TIMP3: variants seen among roughly 807,000 people sequenced by gnomAD.
The protein encoded by TIMP3 is metalloproteinase inhibitor 3.
A neutral mutation model predicts 30.0 loss-of-function variants in TIMP3; 11 were observed. That is an observed-to-expected ratio of 0.37 (90% CI 0.23 to 0.61). TIMP3 has a LOEUF of 0.61. Ranked by LOEUF, TIMP3 falls within the 20% of genes least tolerant of loss-of-function variation. TIMP3 has a pLI of 0.70. For missense variants in TIMP3, 181 were observed against 276.8 expected, an observed-to-expected ratio of 0.65 and a Z score of 2.45; for synonymous variants, 112 against 111.3, an observed-to-expected ratio of 1.01 and a Z score of -0.04.
intron 1 of TIMP3, among the ~76,000 whole-genome samples, chr22:32,814,987 G>A (rs1350900891): frequency 6.6e-6 from 1 of 152,092 alleles, no homozygotes; most frequent in Non-Finnish European, 1.5e-5. Flanking sequence ...TTATTAATAA[G>A]ATCTTAATAT....
At chr22:32,847,695 G>A (rs1406559636) in intron 1 of TIMP3, among the ~76,000 whole-genome samples, 1 of 152,230 alleles carries the variant, frequency 6.6e-6, no homozygotes, top group Non-Finnish European at 1.5e-5. Flanking sequence ...AAATGTGTGT[G>A]TGTGTGTTTG....
Position 32,858,117 on chromosome 22 carries a change from T to C in TIMP3, c.417T>C (p.Tyr139=), listed in dbSNP as rs1254646126. The change falls in exon 4 of 5, where the codon TAT becomes TAC. Residue 139 remains tyrosine (Y), a synonymous_variant. Transcript: ENST00000266085. ...AGCGCAAGGGGCTGAACTATCGGTA[T>C]CACCTGGGTTGTAACTGCAAGGTAA... ...LSQRKGLNYR[Y]HLGCNCKIKS... 1 of 1,614,094 alleles carries C rather than the reference T, an allele frequency of 6.2e-7. No homozygotes were observed. The highest frequency in any genetic ancestry group is 2.2e-5 in the East Asian group (1 of 44,880).
In TIMP3 at chr22:32,858,157, G is replaced by T. The variant is rs755534640; in HGVS notation, c.438+19G>T. On this transcript the variant is annotated intron_variant, in intron 4 of 4. Transcript: ENST00000266085. ...CTGCAAGGTAAGCTCTGGGGTCACTGGGGGAAGGAGGGGAGGTGCTGACTT... is the reference window on the plus strand; with the variant it reads ...CTGCAAGGTAAGCTCTGGGGTCACTTGGGGAAGGAGGGGAGGTGCTGACTT... 4 of 1,611,210 alleles carry T rather than the reference G, an allele frequency of 2.5e-6. No homozygotes were observed. The highest frequency in any genetic ancestry group is 3.4e-6 in the Non-Finnish European group (4 of 1,177,654).
intron 1 of TIMP3, among the ~76,000 whole-genome samples, chr22:32,840,702 A>G (rs933654033): frequency 7.2e-5 from 11 of 152,106 alleles, no homozygotes; most frequent in African/African-American, 2.7e-4. Flanking sequence ...AGACGCAGCA[A>G]ACTGAGTCTC....
At chr22:32,841,209 TAA>T (rs1174929371) in intron 1 of TIMP3, among the ~76,000 whole-genome samples, 3 of 152,188 alleles carry the variant, frequency 2.0e-5, no homozygotes, top group African/African-American at 4.8e-5. Flanking sequence ...CAGCAATAGG[TAA>T]AGCAAAGAAC....
Position 32,849,551 on chromosome 22 carries a change from C to T in TIMP3, c.204+17C>T. The T allele has an allele frequency of 2.5e-6, 4 of 1,610,660 alleles. No homozygotes were observed. Among genetic ancestry groups the T allele is most frequent in the Non-Finnish European group, 3.4e-6 (4 of 1,178,182 alleles). On this transcript the variant is annotated intron_variant, in intron 2 of 4. Transcript: ENST00000266085. ...CAGATGAAGGTAGGTAATGTCATCA[C>T]CCTGGCTCCGGGAAGGTTTTTGGGT...
intron 2 of TIMP3, among the ~76,000 whole-genome samples, chr22:32,850,839 G>A (rs1367171615): frequency 6.6e-6 from 1 of 152,236 alleles, no homozygotes; most frequent in African/African-American, 2.4e-5. Context: ...AAGCCGCAAT[G>A]TCCAGGTAGA....
intron 1 of TIMP3, among the ~76,000 whole-genome samples, chr22:32,814,702 C>CA (rs1173569775): frequency 6.6e-6 from 1 of 152,054 alleles, no homozygotes; most frequent in Non-Finnish European, 1.5e-5. Context: ...TATTTTGTTT[C>CA]AAAAAGTTAA....
chr22:32,833,659 G>A (rs2047643262), intron 1 of TIMP3, among the ~76,000 whole-genome samples: 1 of 152,186 alleles, frequency 6.6e-6, no homozygotes, highest in South Asian at 2.1e-4. Flanking sequence ...GAGATGAGAA[G>A]TAGGGGCTCC....
chr22:32,814,328 A>AAAGAAAGAAAGAAAGAAAGGAAGAAAGG (rs1569245387), intron 1 of TIMP3, among the ~76,000 whole-genome samples: 1 of 148,434 alleles, frequency 6.7e-6, no homozygotes, highest in Admixed American at 6.7e-5. Flanking sequence ...AGAAAGAAAG[A>AAAGAAAGAAAGAAAGAAAGGAAGAAAGG]AAGAAAGAAA....
At chr22:32,850,354 C>T (rs945384306) in intron 2 of TIMP3, among the ~76,000 whole-genome samples, 1 of 152,014 alleles carries the variant, frequency 6.6e-6, no homozygotes, top group Non-Finnish European at 1.5e-5. Flanking sequence ...TCCTAACATC[C>T]TCTCTAGCTC....
intron 1 of TIMP3, among the ~76,000 whole-genome samples, chr22:32,829,112 C>T (rs917642824): frequency 9.2e-5 from 14 of 152,114 alleles, no homozygotes; most frequent in Admixed American, 2.0e-4. Context: ...CTGAAGAAGA[C>T]GGGCAGAGAT....
At chr22:32,814,418 C>G (rs1255075910) in intron 1 of TIMP3, among the ~76,000 whole-genome samples, 1 of 150,292 alleles carries the variant, frequency 6.7e-6, no homozygotes, top group African/African-American at 2.5e-5. Context: ...GAGAAAAGGC[C>G]ATTCCTAACT....
rs1383120831 is a variant in TIMP3 at position 32,862,215 on chromosome 22, A to G, written c.*2838A>G. ...CAGTTGGGAAGCCATGATTTTCCTA[A>G]GAATCCAGGGCCATGGGAGATACAA... On this transcript the variant is annotated 3_prime_UTR_variant, in exon 5 of 5. Coordinates refer to ENST00000266085, the MANE Select transcript of TIMP3 (RefSeq NM_000362.5). The G allele has an allele frequency of 1.3e-5, 2 of 152,210 alleles. No individual in the cohort carries two copies. Among genetic ancestry groups the G allele is most frequent in the African/African-American group, 2.4e-5 (1 of 41,428 alleles). The allele number at this position is 152,210 out of a possible 1,614,324, so 9.4% of individuals were successfully genotyped here. A position where few individuals can be genotyped will look rare whatever the true frequency, so the allele number is the denominator to read the frequency against.
At chr22:32,852,982 T>C (rs1445482469) in intron 2 of TIMP3, among the ~76,000 whole-genome samples, 1 of 152,220 alleles carries the variant, frequency 6.6e-6, no homozygotes, top group African/African-American at 2.4e-5. Flanking sequence ...GGGGACATTA[T>C]GTCCCAGCTG....
intron 1 of TIMP3, among the ~76,000 whole-genome samples, chr22:32,832,005 T>C (rs1232332552): frequency 1.3e-5 from 2 of 152,174 alleles, no homozygotes; most frequent in African/African-American, 2.4e-5. Flanking sequence ...ATCAGCAATG[T>C]CCCACTAGTT....
At chr22:32,855,583 G>A (rs571991869) in intron 2 of TIMP3, among the ~76,000 whole-genome samples, 2 of 152,254 alleles carry the variant, frequency 1.3e-5, no homozygotes, top group Non-Finnish European at 2.9e-5. Context: ...GGGCATAATA[G>A]TTCCTACCTC....
Position 32,859,212 on chromosome 22 carries a change from G to A in TIMP3, c.471G>A (p.Val157=), listed in dbSNP as rs1167717738. 1.2e-6 allele frequency: 2 copies of A among 1,614,144 alleles called. No individual in the cohort carries two copies. The highest frequency in any genetic ancestry group is 1.1e-5 in the South Asian group (1 of 91,076). ...CCTGCTACTACCTGCCTTGCTTTGT[G>A]ACTTCCAAGAACGAGTGTCTCTGGA... The part of the protein sequence containing the change: ...IKSCYYLPCF[V]TSKNECLWTD... Residue 157 remains valine, a synonymous_variant, in exon 5 of 5, where the codon GTG becomes GTA. Transcript: ENST00000266085.
chr22:32,835,176 T>C (rs1022435582), intron 1 of TIMP3, among the ~76,000 whole-genome samples: 5 of 152,070 alleles, frequency 3.3e-5, no homozygotes, highest in Non-Finnish European at 7.4e-5. Flanking sequence ...GAGTGCACAG[T>C]AGAGAAAGGT....
Sources: gnomAD v4.1 joint callset for allele counts (sites outside exome capture counted in the v4.1 genomes callset) on GRCh38, gnomAD v4.1.1 for gene constraint, MANE v1.5 for transcripts, NCBI Gene and HGNC (gene_info 2026-07-23, HGNC 2026-07-21) for gene names.